The following CNTN2 variants were observed in gnomAD, a reference collection of about 807,000 sequenced individuals.
CNTN2 encodes the protein contactin 2, also known as contactin-2.
A neutral mutation model predicts 117.5 loss-of-function variants in CNTN2; 53 were observed. The ratio of observed to expected loss-of-function variants is 0.45; its 90% confidence interval spans 0.36 to 0.57. The LOEUF is 0.57. CNTN2 is among the 20% of genes least tolerant of loss of function. The pLI is 0.00. For missense variants in CNTN2, 1,106 were observed against 1,404.3 expected, an observed-to-expected ratio of 0.79 and a Z score of 3.39; for synonymous variants, 530 against 561.7, an observed-to-expected ratio of 0.94 and a Z score of 0.80.
Position 205,075,150 on chromosome 1 carries a change from CTGTT to C in CNTN2, c.*1389_*1392del. The C allele has an allele frequency of 5.4e-6, 2 of 371,020 alleles. No individual in the cohort carries two copies. The highest frequency in any genetic ancestry group is 9.6e-6 in the Non-Finnish European group (2 of 209,026). The allele number at this position is 371,020 out of a possible 1,614,324, so 23.0% of individuals were successfully genotyped here. ...GAGTCTTCCACCTTTCTGTTCAAGG[CTGTT>C]TGTCTACCCAGAGGAAGGAGGCACT... is the stretch of plus-strand genomic sequence containing the variant. On this transcript the variant is annotated 3_prime_UTR_variant, in exon 23 of 23. Coordinates refer to ENST00000331830, the MANE Select transcript of CNTN2 (RefSeq NM_005076.5).
In CNTN2 at chr1:205,064,580, A is replaced by AC. The variant is rs767061875; in HGVS notation, c.1392-43_1392-42insC. On this transcript the variant is annotated intron_variant, in intron 11 of 22. Coordinates refer to ENST00000331830, the MANE Select transcript of CNTN2 (RefSeq NM_005076.5). ...ACAGGAGTTGGCCAGCCCCAGGGAC[A>AC]ACCATGCCTGAGTTGGCCACATCTG... 5.0e-6 allele frequency: 8 copies of AC among 1,607,228 alleles called. No homozygotes were observed. The Admixed American group carries it at 1.3e-4, about 27-fold the overall frequency.
chr1:205,072,258 A>G, intron 20 of CNTN2, 125 bp downstream of exon 20: 1 of 1,044,752 alleles, frequency 9.6e-7, no homozygotes, highest in Non-Finnish European at 1.4e-6. Flanking sequence ...AACAGAAATT[A>G]GGCAGCGAGC....
chr1:205,059,647 G>C lies in CNTN2; in HGVS notation c.762G>C (p.Gly254=), dbSNP rs1653864841. 6.2e-7 allele frequency: 1 copy of C among 1,614,146 alleles called. No individual in the cohort carries two copies. The change falls in exon 7 of 23, where the codon GGG becomes GGC. Residue 254 remains glycine (G), a synonymous_variant. Coordinates refer to ENST00000331830, the MANE Select transcript of CNTN2 (RefSeq NM_005076.5). The surrounding 1 kb of genome is among the most constrained non-coding windows in gnomAD (Gnocchi z 5.6). ...RFPAETYALV[G]QQVTLECFAF... is the part of the protein sequence containing the mutation. ...CAGCAGAGACCTATGCACTGGTGGG[G>C]CAGCAGGTCACCCTGGAGTGCTTCG...
intron 10 of CNTN2, among the ~76,000 whole-genome samples, 199 bp from the exon 11 acceptor site, chr1:205,064,123 C>A (rs936213426): frequency 7.2e-5 from 1 of 13,808 alleles, no homozygotes. Context: ...TGGTGAGGGG[C>A]GGAGGGGGGG....
Position 205,059,101 on chromosome 1 carries a change from C to A in CNTN2, c.505C>A (p.Leu169Ile), listed in dbSNP as rs142502980. Residue 169 changes from leucine to isoleucine, a missense_variant, in exon 6 of 23, where the codon CTC becomes ATC. Physicochemically the swap from Leu to Ile is conservative, Grantham distance 5 (BLOSUM62 2). Coordinates refer to ENST00000331830, the MANE Select transcript of CNTN2 (RefSeq NM_005076.5). This position sits in a 1 kb window ranked among gnomAD's most constrained non-coding sequence, Gnocchi z 5.6. The stretch of plus-strand genomic sequence containing the variant: ...CATCCTAGGCTTGTCCTACCGCTGG[C>A]TCCTCAACGAGTTCCCCAACTTCAT... ...AHYPGLSYRWLLNEFPNFIPT... is the reference protein window; with the variant it reads ...AHYPGLSYRWILNEFPNFIPT... 3 of 1,614,218 alleles carry A rather than the reference C, an allele frequency of 1.9e-6. No homozygotes were observed. Among genetic ancestry groups the A allele is most frequent in the Non-Finnish European group, 1.7e-6 (2 of 1,180,040 alleles).
chr1:205,051,645 T>C (rs2096453126), intron 1 of CNTN2, among the ~76,000 whole-genome samples: 1 of 152,096 alleles, frequency 6.6e-6, no homozygotes, highest in Non-Finnish European at 1.5e-5. Flanking sequence ...AACACCCAGC[T>C]TCTCGGCTTC....
Position 205,077,963 on chromosome 1 carries a change from G to T in CNTN2, c.*4198G>T, listed in dbSNP as rs973221359. ...TAATGATAGTTATTTATTGACTCTG[G>T]TAGCAGGCAGTTCTTAAATAAAGAT... On this transcript the variant is annotated 3_prime_UTR_variant, in exon 23 of 23. Coordinates refer to ENST00000331830, the MANE Select transcript of CNTN2 (RefSeq NM_005076.5). 1 of 152,158 alleles carries T rather than the reference G, an allele frequency of 6.6e-6. No homozygotes were observed. Among genetic ancestry groups the T allele is most frequent in the Non-Finnish European group, 1.5e-5 (1 of 68,028 alleles). 9.4% of individuals were successfully genotyped at this position (152,158 alleles called of 1,614,324 possible). A position where few individuals can be genotyped will look rare whatever the true frequency, so the allele number is the denominator to read the frequency against.
Position 205,059,788 on chromosome 1 carries a change from A to G in CNTN2, c.797+106A>G. 2 of 871,888 alleles carry G rather than the reference A, an allele frequency of 2.3e-6. No homozygotes were observed. The highest frequency in any genetic ancestry group is 3.8e-6 in the Non-Finnish European group (2 of 526,752). The allele number at this position is 871,888 out of a possible 1,614,324, so 54.0% of individuals were successfully genotyped here. ...GGGCTCTTATCTTGGTGTCCCTCAC[A>G]GGGTCTAGCAAAGTACTGGGCACAC... is the stretch of plus-strand genomic sequence containing the variant. On this transcript the variant is annotated intron_variant, in intron 7 of 22. Transcript: ENST00000331830. This position sits in a 1 kb window ranked among gnomAD's most constrained non-coding sequence, Gnocchi z 5.6.
At position 205,065,393 on chromosome 1, in the gene CNTN2, A is replaced by G. The variant is rs533639853; in HGVS notation, c.1695+131A>G. 5.4e-6 allele frequency: 5 copies of G among 919,338 alleles called. No individual in the cohort carries two copies. The Admixed American group carries it at 7.4e-5, about 14-fold the overall frequency. 56.9% of individuals were successfully genotyped at this position (919,338 alleles called of 1,614,324 possible). A position where few individuals can be genotyped will look rare whatever the true frequency, so the allele number is the denominator to read the frequency against. On this transcript the variant is annotated intron_variant, in intron 13 of 22. Coordinates refer to ENST00000331830, the MANE Select transcript of CNTN2 (RefSeq NM_005076.5). The surrounding 1 kb of genome is among the most constrained non-coding windows in gnomAD (Gnocchi z 4.1). ...CGCCCCCATTCCCTCAGGCCCACACATGGCAAGCTCATCCTTGGATGAACA... is the reference window on the plus strand; with the variant it reads ...CGCCCCCATTCCCTCAGGCCCACACGTGGCAAGCTCATCCTTGGATGAACA...
In CNTN2 at chr1:205,051,448, G is replaced by A. The variant is rs77818612; in HGVS notation, c.-86-1652G>A. On this transcript the variant is annotated intron_variant, in intron 1 of 22. Coordinates refer to ENST00000331830, the MANE Select transcript of CNTN2 (RefSeq NM_005076.5). Reference sequence around the variant, plus strand: ...AAGATGGATGTGCTGGGGGAATGTCGGAGGGGTTGCAAGTGCAGAATGTCT... The same window carrying A: ...AAGATGGATGTGCTGGGGGAATGTCAGAGGGGTTGCAAGTGCAGAATGTCT... Among the ~76,000 whole-genome samples, 108 of 152,334 alleles carry A rather than the reference G, an allele frequency of 7.1e-4. 3 individuals are homozygous for A. The East Asian group carries it at 0.017, about 23-fold the overall frequency.
chr1:205,047,521 T>G (rs2096443661), intron 1 of CNTN2, among the ~76,000 whole-genome samples: 1 of 152,108 alleles, frequency 6.6e-6, no homozygotes, highest in Admixed American at 6.5e-5. Context: ...GGAGTGCCTG[T>G]CCTGGCCGCG....
chr1:205,074,877 C>A lies in CNTN2; in HGVS notation c.*1112C>A, dbSNP rs909286059. The A allele has an allele frequency of 2.5e-6, 1 of 398,530 alleles. No individual in the cohort carries two copies. The highest frequency in any genetic ancestry group is 2.1e-5 in the African/African-American group (1 of 48,618). 24.7% of individuals were successfully genotyped at this position (398,530 alleles called of 1,614,324 possible). ...CCAGGTATACCTAGGACCACCTGGC[C>A]AGATCCGCTCCCAGACGGCCTTGGA... On this transcript the variant is annotated 3_prime_UTR_variant, in exon 23 of 23. Coordinates refer to ENST00000331830, the MANE Select transcript of CNTN2 (RefSeq NM_005076.5).
chr1:205,072,529 T>C lies in CNTN2; in HGVS notation c.2778T>C (p.Ser926=), dbSNP rs374194279. The C allele has an allele frequency of 1.9e-6, 3 of 1,614,158 alleles. No individual in the cohort carries two copies. In the Admixed American group the frequency reaches 5.0e-5, roughly 27 times the overall value. ...PGNISWTFSS[S]SLSIKWDPVV... is the part of the protein sequence containing the mutation. ...ACATCTCCTGGACTTTCTCAAGCTCTAGTCTTAGCATTAAGTGGGACCCTG... is the reference window on the plus strand; with the variant it reads ...ACATCTCCTGGACTTTCTCAAGCTCCAGTCTTAGCATTAAGTGGGACCCTG... Residue 926 remains serine, a synonymous_variant, in exon 21 of 23, where the codon TCT becomes TCC. Transcript: ENST00000331830.
chr1:205,074,512 CCT>C lies in CNTN2; in HGVS notation c.*751_*752del, dbSNP rs1298787710. The C allele has an allele frequency of 1.0e-5, 4 of 398,084 alleles. No homozygotes were observed. The highest frequency in any genetic ancestry group is 1.8e-5 in the Non-Finnish European group (4 of 226,090). 24.7% of individuals were successfully genotyped at this position (398,084 alleles called of 1,614,324 possible). ...ATAGTCACAACCCAGGTGACGATGC[CCT>C]CTCAGCCAACACTGCCAACCTGACC... On this transcript the variant is annotated 3_prime_UTR_variant, in exon 23 of 23. Coordinates refer to ENST00000331830, the MANE Select transcript of CNTN2 (RefSeq NM_005076.5).
At chr1:205,056,416 G>A (rs1306733969) in intron 2 of CNTN2, among the ~76,000 whole-genome samples, 1 of 152,162 alleles carries the variant, frequency 6.6e-6, no homozygotes, top group African/African-American at 2.4e-5. Flanking sequence ...GAGGCCTGGG[G>A]CGGCAGTGAG....
chr1:205,055,069 A>C (rs1413428887), intron 2 of CNTN2, among the ~76,000 whole-genome samples: 1 of 152,048 alleles, frequency 6.6e-6, no homozygotes, highest in Non-Finnish European at 1.5e-5. Flanking sequence ...GCTGGAGTGC[A>C]GTGGTGTGAT....
rs1654918215 is a variant in CNTN2 at position 205,077,488 on chromosome 1, C to T, written c.*3723C>T. 1 of 152,236 alleles carries T rather than the reference C, an allele frequency of 6.6e-6. No individual in the cohort carries two copies. The highest frequency in any genetic ancestry group is 2.4e-5 in the African/African-American group (1 of 41,460). The allele number at this position is 152,236 out of a possible 1,614,324, so 9.4% of individuals were successfully genotyped here. The stretch of plus-strand genomic sequence containing the variant: ...GCTCTGTCTCCCTGGGTGACACCCA[C>T]CCTAGGCTTCCTCCTGGATGTGATG... On this transcript the variant is annotated 3_prime_UTR_variant, in exon 23 of 23. Transcript: ENST00000331830.
chr1:205,072,514 G>T lies in CNTN2; in HGVS notation c.2763G>T (p.Trp921Cys). Residue 921 changes from tryptophan to cysteine, a missense_variant, in exon 21 of 23, where the codon TGG becomes TGT. Physicochemically the swap from Trp to Cys is radical, Grantham distance 215. Coordinates refer to ENST00000331830, the MANE Select transcript of CNTN2 (RefSeq NM_005076.5). Reference protein sequence around the residue: ...PPRRPPGNISWTFSSSSLSIK... With the variant: ...PPRRPPGNISCTFSSSSLSIK... ...GGCGACCTCCTGGCAACATCTCCTG[G>T]ACTTTCTCAAGCTCTAGTCTTAGCA... The T allele has an allele frequency of 6.2e-7, 1 of 1,614,174 alleles. No homozygotes were observed. Among genetic ancestry groups the T allele is most frequent in the Non-Finnish European group, 8.5e-7 (1 of 1,180,044 alleles).
chr1:205,055,406 G>A (rs1435759267), intron 2 of CNTN2, among the ~76,000 whole-genome samples: 1 of 152,168 alleles, frequency 6.6e-6, no homozygotes, highest in East Asian at 1.9e-4. Flanking sequence ...GGTGTCTGTG[G>A]ATATGGATGG....
Sources: allele counts gnomAD v4.1 joint callset (sites outside exome capture counted in the v4.1 genomes callset), GRCh38; gene constraint gnomAD v4.1.1; non-coding constraint Gnocchi (gnomAD v3.1); transcripts MANE v1.5; gene names NCBI Gene and HGNC (gene_info 2026-07-23, HGNC 2026-07-21).